The following WWOX variants were observed in gnomAD, a reference collection of about 807,000 sequenced individuals.
WWOX encodes WW domain containing oxidoreductase.
A neutral mutation model predicts 46.2 loss-of-function variants in WWOX; 69 were observed. The observed-to-expected ratio is 1.49, with a 90% CI of 1.23 to 1.82. WWOX has a LOEUF of 1.82. WWOX is among the 40% of genes most tolerant of loss of function. The pLI is 0.00. For synonymous variants in WWOX, 359 were observed against 202.6 expected (o/e 1.77, Z -6.56); for missense variants, 919 against 542.6 (o/e 1.69, Z -6.89).
intron 6 of WWOX, among the ~76,000 whole-genome samples, chr16:78,421,191 A>C (rs2082919853): frequency 6.6e-6 from 1 of 152,218 alleles, no homozygotes; most frequent in African/African-American, 2.4e-5. Context: ...AGTGCCTCAA[A>C]ACAACAGAAT....
intron 8 of WWOX, among the ~76,000 whole-genome samples, chr16:79,079,365 CAG>C (rs1330919450): frequency 6.6e-6 from 1 of 152,112 alleles, no homozygotes; most frequent in Non-Finnish European, 1.5e-5. Flanking sequence ...AAAAATATGA[CAG>C]AAGTGTCACC....
chr16:78,951,104 A>G (rs1291556689), intron 8 of WWOX, among the ~76,000 whole-genome samples: 1 of 152,210 alleles, frequency 6.6e-6, no homozygotes, highest in Non-Finnish European at 1.5e-5. Context: ...CCAGTAACAA[A>G]CACAGCCCTA....
intron 8 of WWOX, among the ~76,000 whole-genome samples, chr16:78,900,033 T>G (rs2044789797): frequency 6.6e-6 from 1 of 151,092 alleles, no homozygotes; most frequent in Admixed American, 6.6e-5. Context: ...AAAACGGAGA[T>G]GTGCAATATA....
rs186138235 is a variant in WWOX at position 79,014,256 on chromosome 16, A to G, written c.1057-197352A>G. ...GTAGTGGTTAGGGTGGTTATGACGC[A>G]TGGGACGGGAGAATACCATGCCCAC... On this transcript the variant is annotated intron_variant, in intron 8 of 8. Transcript: ENST00000566780. Among the ~76,000 whole-genome samples, 19 of 152,290 alleles carry G rather than the reference A, an allele frequency of 1.2e-4. No individual in the cohort carries two copies. In the East Asian group the frequency reaches 3.1e-3, roughly 25 times the overall value.
At chr16:79,108,401 C>G (rs1285372666) in intron 8 of WWOX, among the ~76,000 whole-genome samples, 1 of 152,194 alleles carries the variant, frequency 6.6e-6, no homozygotes, top group Non-Finnish European at 1.5e-5. Flanking sequence ...GTCTACCTGA[C>G]CACCCCTCCA....
At chr16:78,580,196 C>G (rs904954805) in intron 8 of WWOX, among the ~76,000 whole-genome samples, 1 of 151,888 alleles carries the variant, frequency 6.6e-6, no homozygotes, top group Non-Finnish European at 1.5e-5. Flanking sequence ...GCCTCAGCCT[C>G]TTGAGTAGGT....
intron 8 of WWOX, among the ~76,000 whole-genome samples, chr16:79,150,230 C>A (rs146691982): frequency 6.6e-6 from 1 of 152,296 alleles, no homozygotes; most frequent in South Asian, 2.1e-4. Context: ...ATTCATGGAA[C>A]TGTCAAAGAG....
chr16:78,920,839 A>G (rs1447883100), intron 8 of WWOX, among the ~76,000 whole-genome samples: 3 of 152,210 alleles, frequency 2.0e-5, no homozygotes, highest in Non-Finnish European at 4.4e-5. Flanking sequence ...GTTGTGAGGA[A>G]GGCCAGGGAC....
chr16:78,258,331 C>T (rs1199858857), intron 5 of WWOX, among the ~76,000 whole-genome samples: 1 of 152,116 alleles, frequency 6.6e-6, no homozygotes, highest in Non-Finnish European at 1.5e-5. Context: ...TAAAAATAGG[C>T]TATATACACT....
At chr16:79,129,869 G>A (rs1280561557) in intron 8 of WWOX, among the ~76,000 whole-genome samples, 1 of 152,210 alleles carries the variant, frequency 6.6e-6, no homozygotes, top group African/African-American at 2.4e-5. Flanking sequence ...ACACAGGCAG[G>A]GGTCAGGCTC....
At chr16:78,737,284 G>GTA (rs2049113767) in intron 8 of WWOX, among the ~76,000 whole-genome samples, 1 of 150,714 alleles carries the variant, frequency 6.6e-6, no homozygotes, top group African/African-American at 2.4e-5. Context: ...ATGTATATGT[G>GTA]TATATATATG....
At chr16:78,282,878 C>CAAA (rs60994323) in intron 5 of WWOX, among the ~76,000 whole-genome samples, 23 of 68,772 alleles carry the variant, frequency 3.3e-4, no homozygotes, top group South Asian at 5.8e-4. Context: ...CACTCCATCT[C>CAAA]AAAAAAAAAA....
At chr16:78,853,310 T>G (rs1006248441) in intron 8 of WWOX, among the ~76,000 whole-genome samples, 6 of 152,154 alleles carry the variant, frequency 3.9e-5, no homozygotes, top group Admixed American at 6.5e-5. Flanking sequence ...AACCTCTGTC[T>G]CCTGGGTTCA....
At chr16:78,723,580 T>TTC (rs200519260) in intron 8 of WWOX, among the ~76,000 whole-genome samples, 44 of 30,012 alleles carry the variant, frequency 1.5e-3, no homozygotes, top group African/African-American at 0.013. Flanking sequence ...TTCTTTTCTT[T>TTC]TCTTTTCTTT....
intron 8 of WWOX, among the ~76,000 whole-genome samples, chr16:78,584,705 A>T (rs781400812): frequency 5.3e-5 from 8 of 152,236 alleles, no homozygotes; most frequent in Non-Finnish European, 1.0e-4. Context: ...AGAAGTCAGA[A>T]TAGCAGTTAG....
chr16:78,582,264 A>G lies in WWOX; in HGVS notation c.1056+149512A>G, dbSNP rs537774893. On this transcript the variant is annotated intron_variant, in intron 8 of 8. Transcript: ENST00000566780. ...TGAAGGTAAAAATCAAGTAAGATCT[A>G]TACTTTTGATAGCAATTGCTGTTGG... Among the ~76,000 whole-genome samples, 64 of 152,314 alleles carry G rather than the reference A, an allele frequency of 4.2e-4. 1 individual carries two copies. In the South Asian group the frequency reaches 0.012, roughly 30 times the overall value.
chr16:79,013,842 T>C (rs1421460430), intron 8 of WWOX, among the ~76,000 whole-genome samples: 2 of 152,166 alleles, frequency 1.3e-5, no homozygotes, highest in Non-Finnish European at 2.9e-5. Context: ...TATTCTACTT[T>C]TCATTCTCGC....
intron 8 of WWOX, among the ~76,000 whole-genome samples, chr16:78,726,186 C>G (rs1036659419): frequency 4.1e-5 from 6 of 146,302 alleles, no homozygotes; most frequent in South Asian, 2.2e-4. Context: ...CTCTCTCTCT[C>G]TCTTTCCTTC....
intron 8 of WWOX, among the ~76,000 whole-genome samples, chr16:79,195,455 T>C (rs2051220915): frequency 6.6e-6 from 1 of 152,136 alleles, no homozygotes; most frequent in Non-Finnish European, 1.5e-5. Flanking sequence ...GCTTTGGCTG[T>C]GGGCAGTTCC....
Sources: gnomAD v4.1 joint callset for allele counts (sites outside exome capture counted in the v4.1 genomes callset) on GRCh38, gnomAD v4.1.1 for gene constraint, MANE v1.5 for transcripts, NCBI Gene and HGNC (gene_info 2026-07-23, HGNC 2026-07-21) for gene names.